MLLT3: variants seen among roughly 807,000 people sequenced by gnomAD.
MLLT3 encodes protein AF-9.
In MLLT3, 4 loss-of-function variants were observed where a neutral mutation model predicts 53.2. The ratio of observed to expected loss-of-function variants is 0.08; its 90% CI spans 0.04 to 0.17. The LOEUF is 0.17. Among genes scored for constraint, MLLT3 ranks in the 10% least tolerant of loss-of-function variants. The pLI is 1.00. For missense variants in MLLT3, 569 were observed against 684.0 expected (o/e 0.83, Z 1.87); for synonymous variants, 283 against 230.6 (o/e 1.23, Z -2.06).
Position 20,342,834 on chromosome 9 carries a change from G to GTGTGTA in MLLT3, c.*3608_*3609insTACACA, listed in dbSNP as rs1554673228. 79 of 166,642 alleles carry GTGTGTA rather than the reference G, an allele frequency of 4.7e-4. No individual in the cohort carries two copies. Among genetic ancestry groups the GTGTGTA allele is most frequent in the Non-Finnish European group, 7.4e-4 (59 of 79,344 alleles). The allele number at this position is 166,642 out of a possible 1,614,324, so 10.3% of individuals were successfully genotyped here. ...AAGATTACTCTGATAATATATATGT[G>GTGTGTA]TATATATATATATATATGTATATAT... On this transcript the variant is annotated 3_prime_UTR_variant, in exon 11 of 11. Coordinates refer to ENST00000380338, the MANE Select transcript of MLLT3 (RefSeq NM_004529.4).
intron 2 of MLLT3, chr9:20,502,300 G>C (rs576647568): frequency 6.5e-6 from 1 of 154,138 alleles, no homozygotes; most frequent in Non-Finnish European, 1.5e-5. Flanking sequence ...CAGCCACAAA[G>C]AGCCATATTT....
At chr9:20,561,845 A>T (rs915971679) in intron 2 of MLLT3, among the ~76,000 whole-genome samples, 1 of 152,084 alleles carries the variant, frequency 6.6e-6, no homozygotes, top group African/African-American at 2.4e-5. Flanking sequence ...GGACAGACCA[A>T]CAGCTATGAT....
At chr9:20,389,283 G>A (rs1007142205) in intron 5 of MLLT3, among the ~76,000 whole-genome samples, 1 of 152,208 alleles carries the variant, frequency 6.6e-6, no homozygotes, top group Non-Finnish European at 1.5e-5. Context: ...CATATTATAT[G>A]ATTCCATTCA....
intron 2 of MLLT3, among the ~76,000 whole-genome samples, chr9:20,574,419 T>C (rs567611530): frequency 5.9e-5 from 9 of 152,354 alleles, no homozygotes; most frequent in Middle Eastern, 3.4e-3. Flanking sequence ...TGCAAGTTCA[T>C]TGCAAATGAC....
At chr9:20,351,384 A>T (rs1024974825) in intron 10 of MLLT3, among the ~76,000 whole-genome samples, 3 of 152,212 alleles carry the variant, frequency 2.0e-5, no homozygotes, top group Admixed American at 6.5e-5. Flanking sequence ...GTTCAATCTC[A>T]CTTTCCAAAT....
chr9:20,532,201 T>C (rs1460777718), intron 2 of MLLT3, among the ~76,000 whole-genome samples: 2 of 151,966 alleles, frequency 1.3e-5, no homozygotes, highest in African/African-American at 2.4e-5. Context: ...CACAATAATC[T>C]AGAAAATACT....
chr9:20,533,671 A>C (rs1182522905), intron 2 of MLLT3, among the ~76,000 whole-genome samples: 10 of 152,252 alleles, frequency 6.6e-5, no homozygotes. Flanking sequence ...GTCCATCCAC[A>C]GATGAATAAA....
chr9:20,418,140 T>G (rs1822918827), intron 4 of MLLT3, among the ~76,000 whole-genome samples: 2 of 152,234 alleles, frequency 1.3e-5, no homozygotes, highest in African/African-American at 4.8e-5. Context: ...TTGTTCAAAC[T>G]GCATTTTTAC....
chr9:20,512,192 C>T (rs7852651), intron 2 of MLLT3, among the ~76,000 whole-genome samples: 9 of 152,018 alleles, frequency 5.9e-5, no homozygotes, highest in African/African-American at 1.2e-4. Flanking sequence ...TGCTGTTTTA[C>T]GGACTGTGGA....
At chr9:20,476,500 CA>C (rs1424593411) in intron 2 of MLLT3, among the ~76,000 whole-genome samples, 2 of 151,914 alleles carry the variant, frequency 1.3e-5, no homozygotes, top group African/African-American at 4.8e-5. Flanking sequence ...AAAATACTGC[CA>C]AAAAATTTAT....
At chr9:20,549,916 G>C (rs1340746415) in intron 2 of MLLT3, among the ~76,000 whole-genome samples, 1 of 152,116 alleles carries the variant, frequency 6.6e-6, no homozygotes, top group African/African-American at 2.4e-5. Flanking sequence ...AACCAAATTA[G>C]GAAATTCCTA....
intron 2 of MLLT3, among the ~76,000 whole-genome samples, chr9:20,489,915 G>C (rs1194973445): frequency 3.3e-5 from 5 of 151,938 alleles, no homozygotes; most frequent in Admixed American, 3.3e-4. Context: ...GTCAGGGAAA[G>C]AAAATGAAAA....
In MLLT3 at chr9:20,464,336, C is replaced by A. The variant is rs1000371742; in HGVS notation, c.194-7550G>T. ...AAAGATAAGACGAGTCCTGCTCAGT[C>A]TAACCAGAGACCGTTGCCTGCTAAG... On this transcript the variant is annotated intron_variant, in intron 2 of 10. Coordinates refer to ENST00000380338, the MANE Select transcript of MLLT3 (RefSeq NM_004529.4). 2.0e-5 allele frequency among the ~76,000 whole-genome samples: 3 copies of A among 152,248 alleles called. No homozygotes were observed. The East Asian group carries it at 5.8e-4, about 29-fold the overall frequency.
At chr9:20,469,636 C>T (rs1255136342) in intron 2 of MLLT3, among the ~76,000 whole-genome samples, 2 of 150,932 alleles carry the variant, frequency 1.3e-5, no homozygotes, top group Admixed American at 1.3e-4. Context: ...CAACTCAAAC[C>T]AAATGTTACA....
chr9:20,481,146 A>C (rs1371346376), intron 2 of MLLT3, among the ~76,000 whole-genome samples: 2 of 152,212 alleles, frequency 1.3e-5, no homozygotes, highest in East Asian at 3.8e-4. Flanking sequence ...AACTATTGCC[A>C]GTCCCACTAA....
chr9:20,484,312 C>T (rs1194602659), intron 2 of MLLT3, among the ~76,000 whole-genome samples: 4 of 152,018 alleles, frequency 2.6e-5, no homozygotes, highest in African/African-American at 9.7e-5. Context: ...AACTGTAATA[C>T]ATCCTTCACC....
chr9:20,480,565 A>G (rs1824636511), intron 2 of MLLT3, among the ~76,000 whole-genome samples: 1 of 152,240 alleles, frequency 6.6e-6, no homozygotes, highest in African/African-American at 2.4e-5. Flanking sequence ...AAAGAGGGTC[A>G]GGATTCCTTT....
In MLLT3 at chr9:20,365,748, T is replaced by C. The variant is rs1221232001; in HGVS notation, c.1126-4A>G. 1.9e-6 allele frequency: 3 copies of C among 1,613,988 alleles called. No individual in the cohort carries two copies. Among genetic ancestry groups the C allele is most frequent in the Admixed American group, 1.7e-5 (1 of 59,990 alleles). On this transcript the variant is annotated splice_polypyrimidine_tract_variant and splice_region_variant and intron_variant, in intron 5 of 10. Transcript: ENST00000380338. The stretch of plus-strand genomic sequence containing the variant: ...TGGCAGGACTGGGTTGTTCAGACTT[T>C]AAAGAAGAATAAAAAGGCACCATCA...
chr9:20,486,569 T>A (rs1824819701), intron 2 of MLLT3, among the ~76,000 whole-genome samples: 1 of 152,122 alleles, frequency 6.6e-6, no homozygotes, highest in South Asian at 2.1e-4. Flanking sequence ...ATACATGAAA[T>A]GATATTCCAC....
Sources: gnomAD v4.1 joint callset for allele counts (sites outside exome capture counted in the v4.1 genomes callset) on GRCh38, gnomAD v4.1.1 for gene constraint, MANE v1.5 for transcripts, NCBI Gene and HGNC (gene_info 2026-07-23, HGNC 2026-07-21) for gene names.